Variants in JAKMIP2 observed in about 807,000 individuals in gnomAD.
JAKMIP2 encodes the protein janus kinase and microtubule-interacting protein 2.
Under a neutral mutation model 115.0 loss-of-function variants are expected in JAKMIP2, and 25 were observed. That is an observed-to-expected ratio of 0.22 (90% CI 0.16 to 0.30). The LOEUF (loss-of-function observed/expected upper bound fraction) is 0.30, where lower values mean the gene tolerates loss of function less well. Ranked by LOEUF, JAKMIP2 falls within the 10% of genes least tolerant of loss-of-function variation. The pLI is 1.00. For synonymous variants in JAKMIP2, 334 were observed against 343.6 expected, an observed-to-expected ratio of 0.97 and a Z score of 0.31; for missense variants, 642 against 957.6, an observed-to-expected ratio of 0.67 and a Z score of 4.35.
chr5:147,764,441 A>G (rs1266140000), intron 1 of JAKMIP2, among the ~76,000 whole-genome samples: 1 of 151,480 alleles, frequency 6.6e-6, no homozygotes, highest in African/African-American at 2.4e-5. Context: ...GTTCCAGGAA[A>G]AGCAACATTA....
At chr5:147,610,363 A>T (rs1756250431) in intron 20 of JAKMIP2, among the ~76,000 whole-genome samples, 1 of 152,126 alleles carries the variant, frequency 6.6e-6, no homozygotes, top group Admixed American at 6.5e-5. Flanking sequence ...CTTCGGATAC[A>T]GTTTTTGCAT....
intron 2 of JAKMIP2, among the ~76,000 whole-genome samples, chr5:147,666,307 A>G (rs1759295863): frequency 1.3e-5 from 2 of 152,198 alleles, no homozygotes; most frequent in East Asian, 3.8e-4. Flanking sequence ...AAATCTTAAA[A>G]TGAATATACA....
intron 1 of JAKMIP2, among the ~76,000 whole-genome samples, chr5:147,748,522 T>G (rs543747943): frequency 4.6e-5 from 7 of 152,162 alleles, no homozygotes; most frequent in Non-Finnish European, 8.8e-5. Flanking sequence ...AAAATTGAGC[T>G]GCAGACATAG....
chr5:147,675,783 A>ATTTTTTTTTTTTTTTTTTTTTTT (rs1245892919), intron 1 of JAKMIP2, among the ~76,000 whole-genome samples: 1 of 99,202 alleles, frequency 1.0e-5, no homozygotes, highest in Non-Finnish European at 2.0e-5. Context: ...ATCATATGAC[A>ATTTTTTTTTTTTTTTTTTTTTTT]TTTTTTTTTT....
At chr5:147,638,879 T>A (rs1019797141) in intron 10 of JAKMIP2, among the ~76,000 whole-genome samples, 6 of 152,196 alleles carry the variant, frequency 3.9e-5, no homozygotes, top group Non-Finnish European at 7.3e-5. Flanking sequence ...AGAAAGAAGA[T>A]AATAATCATA....
chr5:147,621,858 C>T (rs1394814829), intron 17 of JAKMIP2, among the ~76,000 whole-genome samples: 1 of 151,978 alleles, frequency 6.6e-6, no homozygotes, highest in Non-Finnish European at 1.5e-5. Context: ...TAATCATAAT[C>T]TTGTTATAAA....
chr5:147,631,055 G>A (rs901355934), intron 14 of JAKMIP2, among the ~76,000 whole-genome samples: 2 of 151,944 alleles, frequency 1.3e-5, no homozygotes, highest in African/African-American at 4.8e-5. Flanking sequence ...CTCAACAAAG[G>A]GACTCAAACT....
intron 1 of JAKMIP2, among the ~76,000 whole-genome samples, chr5:147,762,560 T>C (rs1220066374): frequency 1.3e-5 from 2 of 152,062 alleles, no homozygotes; most frequent in East Asian, 1.9e-4. Flanking sequence ...CATGGCCTTT[T>C]CTCTGTGGTG....
At chr5:147,702,280 C>A (rs923064961) in intron 1 of JAKMIP2, among the ~76,000 whole-genome samples, 12 of 144,558 alleles carry the variant, frequency 8.3e-5, no homozygotes, top group Non-Finnish European at 1.3e-4. Flanking sequence ...AAGAATGATA[C>A]AATGGACTTT....
Position 147,590,645 on chromosome 5 carries a change from G to A in JAKMIP2, c.*1062C>T, listed in dbSNP as rs1699529943. The A allele has an allele frequency of 6.6e-6, 1 of 152,126 alleles. No homozygotes were observed. Among genetic ancestry groups the A allele is most frequent in the Admixed American group, 6.5e-5 (1 of 15,270 alleles). The allele number at this position is 152,126 out of a possible 1,614,324, so 9.4% of individuals were successfully genotyped here. ...TGGTAGAAATTTACTCATTGATTCT[G>A]CTGTGTTTTTGCCCAAATCATATAG... On this transcript the variant is annotated 3_prime_UTR_variant, in exon 22 of 22. Coordinates refer to ENST00000616793, the MANE Select transcript of JAKMIP2 (RefSeq NM_001270941.2).
intron 1 of JAKMIP2, among the ~76,000 whole-genome samples, chr5:147,741,613 C>CT (rs1754143891): frequency 6.6e-6 from 1 of 152,044 alleles, no homozygotes; most frequent in Non-Finnish European, 1.5e-5. Context: ...ATGAAAGAAA[C>CT]TAATTATACA....
intron 1 of JAKMIP2, among the ~76,000 whole-genome samples, chr5:147,723,079 T>G (rs1012041528): frequency 2.0e-5 from 3 of 152,130 alleles, no homozygotes; most frequent in African/African-American, 7.2e-5. Context: ...AGTGGAAAAT[T>G]TAGAATACTG....
chr5:147,713,899 A>G (rs1397472506), intron 1 of JAKMIP2, among the ~76,000 whole-genome samples: 3 of 152,234 alleles, frequency 2.0e-5, no homozygotes, highest in Admixed American at 6.5e-5. Context: ...ATGAGTACTC[A>G]TGACGACTGC....
intron 1 of JAKMIP2, among the ~76,000 whole-genome samples, chr5:147,698,897 C>T (rs774771676): frequency 6.6e-6 from 1 of 152,180 alleles, no homozygotes; most frequent in Non-Finnish European, 1.5e-5. Context: ...TGGATTTTCA[C>T]TGGTACTCTG....
intron 19 of JAKMIP2, among the ~76,000 whole-genome samples, chr5:147,612,970 C>G (rs1011947430): frequency 6.6e-6 from 1 of 152,028 alleles, no homozygotes; most frequent in African/African-American, 2.4e-5. Context: ...GGTAAATTCA[C>G]AAAACAAAGT....
chr5:147,765,565 G>A (rs1755125625), intron 1 of JAKMIP2, among the ~76,000 whole-genome samples: 1 of 152,076 alleles, frequency 6.6e-6, no homozygotes, highest in Non-Finnish European at 1.5e-5. Flanking sequence ...TGCTTTAAAG[G>A]TGGAAAAAAT....
Position 147,745,667 on chromosome 5 carries a change from G to A in JAKMIP2, c.-149+36789C>T, listed in dbSNP as rs554690178. On this transcript the variant is annotated intron_variant, in intron 1 of 21. Transcript: ENST00000616793. ...CAAAGAATAGACTCTCATCTGCTCC[G>A]TACTTTCTTATTTCTTGGGAGATTA... Among the ~76,000 whole-genome samples the A allele has an allele frequency of 1.1e-4, 16 of 152,134 alleles. No individual in the cohort carries two copies. The South Asian group carries it at 1.7e-3, about 16-fold the overall frequency.
intron 3 of JAKMIP2, among the ~76,000 whole-genome samples, chr5:147,653,808 T>C (rs555629843): frequency 3.3e-5 from 5 of 152,220 alleles, no homozygotes; most frequent in Non-Finnish European, 7.3e-5. Context: ...TGAATGGTAC[T>C]GCCTAGGTTT....
chr5:147,637,603 C>T (rs1056258715), intron 10 of JAKMIP2, among the ~76,000 whole-genome samples: 1 of 151,926 alleles, frequency 6.6e-6, no homozygotes, highest in Non-Finnish European at 1.5e-5. Context: ...CCACGCCCAG[C>T]TAATTTTTGT....
Sources: allele counts gnomAD v4.1 joint callset (sites outside exome capture counted in the v4.1 genomes callset), GRCh38; gene constraint gnomAD v4.1.1; transcripts MANE v1.5; gene names NCBI Gene and HGNC (gene_info 2026-07-23, HGNC 2026-07-21).